Variants in GFOD2 observed in about 807,000 individuals in gnomAD.
The protein encoded by GFOD2 is glucose-fructose oxidoreductase domain-containing protein 2.
GFOD2 carries 9 observed loss-of-function variants against 24.6 expected under a neutral mutation model. The ratio of observed to expected loss-of-function variants is 0.37; its 90% CI spans 0.22 to 0.64. The LOEUF (loss-of-function observed/expected upper bound fraction) is 0.64, where lower values mean the gene tolerates loss of function less well. GFOD2 is among the 30% of genes least tolerant of loss of function. The probability of loss-of-function intolerance (pLI) is 0.65; values close to 1 mark genes in which losing one functional copy is unlikely to be tolerated. For synonymous variants in GFOD2, 211 were observed against 224.8 expected, an observed-to-expected ratio of 0.94 and a Z score of 0.55; for missense variants, 476 against 532.5, an observed-to-expected ratio of 0.89 and a Z score of 1.04.
At chr16:67,676,319 T>A in intron 2 of GFOD2, 1 of 433,628 alleles carries the variant, frequency 2.3e-6, no homozygotes. Context: ...TTTGTAGAGA[T>A]GGGGTCCTCC....
intron 2 of GFOD2, chr16:67,685,086 T>C: frequency 8.1e-7 from 1 of 1,227,040 alleles, no homozygotes; most frequent in Non-Finnish European, 1.0e-6. Flanking sequence ...CCTGTGGTGC[T>C]GTGTGCCCCA....
intron 1 of GFOD2, among the ~76,000 whole-genome samples, chr16:67,715,027 G>T (rs1020468166): frequency 6.6e-6 from 1 of 151,924 alleles, no homozygotes; most frequent in South Asian, 2.1e-4. Context: ...GGAAATATTC[G>T]ATTCTTCCTT....
At position 67,685,137 on chromosome 16, in the gene GFOD2, G is replaced by A. The variant is rs1305923682; in HGVS notation, c.259+320C>T. On this transcript the variant is annotated intron_variant, in intron 2 of 2. Coordinates refer to ENST00000268797, the MANE Select transcript of GFOD2 (RefSeq NM_030819.4). ...ACACACTAGTCACAACCAATTCCCC[G>A]CCACCCAGGGCTCTGACCTCTAACT... The A allele has an allele frequency of 1.0e-5, 14 of 1,341,542 alleles. No homozygotes were observed. The East Asian group carries it at 1.7e-4, about 16-fold the overall frequency. The allele number at this position is 1,341,542 out of a possible 1,614,324, so 83.1% of individuals were successfully genotyped here. A position where few individuals can be genotyped will look rare whatever the true frequency, so the allele number is the denominator to read the frequency against.
At chr16:67,687,121 G>A (rs780145714) in intron 1 of GFOD2, among the ~76,000 whole-genome samples, 2 of 146,564 alleles carry the variant, frequency 1.4e-5, no homozygotes, top group African/African-American at 5.1e-5. Flanking sequence ...GCACTCCAGC[G>A]TGTGTGACAG....
At chr16:67,691,209 A>AT (rs1224401186) in intron 1 of GFOD2, among the ~76,000 whole-genome samples, 1 of 150,226 alleles carries the variant, frequency 6.7e-6, no homozygotes, top group Non-Finnish European at 1.5e-5. Flanking sequence ...CTTGGTCACT[A>AT]TCATAATTTT....
chr16:67,710,501 C>G (rs966042397), intron 1 of GFOD2, among the ~76,000 whole-genome samples: 29 of 152,278 alleles, frequency 1.9e-4, no homozygotes, highest in African/African-American at 7.0e-4. Context: ...AGTAGCTGGA[C>G]TACAGGCGCC....
chr16:67,684,001 G>A, intron 2 of GFOD2: 1 of 654,056 alleles, frequency 1.5e-6, no homozygotes, highest in Non-Finnish European at 1.9e-6. Context: ...TGAAGACAGG[G>A]AGGGGTCCAA....
At chr16:67,685,201 T>C (rs771144504) in intron 2 of GFOD2, 6 of 1,413,820 alleles carry the variant, frequency 4.2e-6, no homozygotes, top group Non-Finnish European at 5.5e-6. Context: ...GATGCAACCA[T>C]CTCCAGCCCC....
intron 1 of GFOD2, among the ~76,000 whole-genome samples, chr16:67,712,518 G>A (rs898358303): frequency 2.5e-5 from 3 of 121,154 alleles, no homozygotes; most frequent in African/African-American, 6.8e-5. Flanking sequence ...CCAGCTCCTA[G>A]CCGCGAGTGA....
intron 2 of GFOD2, chr16:67,684,861 G>C: frequency 2.0e-6 from 2 of 989,922 alleles, no homozygotes; most frequent in East Asian, 1.1e-4. Context: ...GCCCAGTCAG[G>C]GGCAAGAGGT....
At chr16:67,676,079 C>T in intron 2 of GFOD2, 26 bp from the exon 3 acceptor site, 2 of 1,552,864 alleles carry the variant, frequency 1.3e-6, no homozygotes, top group Non-Finnish European at 1.7e-6. Context: ...AACAGGAAAT[C>T]TCAAAGTTTC....
intron 1 of GFOD2, among the ~76,000 whole-genome samples, chr16:67,714,937 C>T (rs891197979): frequency 1.3e-5 from 2 of 152,192 alleles, no homozygotes; most frequent in Non-Finnish European, 2.9e-5. Flanking sequence ...TGGACAAAAA[C>T]ACTACTTGCA....
At chr16:67,690,247 T>G (rs911585435) in intron 1 of GFOD2, among the ~76,000 whole-genome samples, 3 of 152,196 alleles carry the variant, frequency 2.0e-5, no homozygotes, top group African/African-American at 7.2e-5. Context: ...GGAACCACCA[T>G]ACTGTTTTCC....
rs149276567 is a variant in GFOD2 at position 67,675,899 on chromosome 16, C to T, written c.414G>A (p.Ser138=). 208 of 1,614,056 alleles carry T rather than the reference C, an allele frequency of 1.3e-4. No individual in the cohort carries two copies. The highest frequency in any genetic ancestry group is 3.3e-4 in the Middle Eastern group (2 of 6,084). ...TCATCACCGCTCCCACATAGTGTTC[C>T]GAAATCAGCTGTTTCATGCGCACGA... ...PAFVRMKQLI[S]EHYVGAVMIC... is the part of the protein sequence containing the mutation. The change falls in exon 3 of 3, where the codon TCG becomes TCA. Residue 138 remains serine (S), a synonymous_variant. Coordinates refer to ENST00000268797, the MANE Select transcript of GFOD2 (RefSeq NM_030819.4).
intron 1 of GFOD2, among the ~76,000 whole-genome samples, chr16:67,691,497 A>G (rs2053312549): frequency 6.7e-6 from 1 of 148,200 alleles, no homozygotes; most frequent in South Asian, 2.1e-4. Flanking sequence ...AGCAAGTCAC[A>G]CTGTGCCTAG....
intron 2 of GFOD2, chr16:67,680,811 C>T (rs1316720832): frequency 2.1e-6 from 2 of 967,330 alleles, no homozygotes; most frequent in South Asian, 4.8e-5. Flanking sequence ...ATGTGCACAA[C>T]GTGCAGGTTT....
intron 1 of GFOD2, among the ~76,000 whole-genome samples, chr16:67,717,060 A>G (rs1337566549): frequency 6.6e-6 from 1 of 151,904 alleles, no homozygotes; most frequent in Admixed American, 6.6e-5. Flanking sequence ...CCATGCCCCG[A>G]TAATTTTGTA....
At chr16:67,710,677 TAA>T (rs1308560633) in intron 1 of GFOD2, among the ~76,000 whole-genome samples, 6 of 152,186 alleles carry the variant, frequency 3.9e-5, no homozygotes, top group African/African-American at 7.2e-5. Flanking sequence ...GCCTTATTTT[TAA>T]AAGTGTTCAA....
Position 67,675,930 on chromosome 16 carries a change from G to A in GFOD2, c.383C>T (p.Pro128Leu). Residue 128 changes from proline to leucine, a missense_variant, in exon 3 of 3, where the codon CCT becomes CTT. Physicochemically the swap from Pro to Leu is moderately conservative, Grantham distance 98. Coordinates refer to ENST00000268797, the MANE Select transcript of GFOD2 (RefSeq NM_030819.4). ...SLVGNVLRFLPAFVRMKQLIS... is the reference protein window; with the variant it reads ...SLVGNVLRFLLAFVRMKQLIS... ...CAGCTGTTTCATGCGCACGAAGGCAGGCAGGAAGCGCAGCACGTTCCCTAC... is the reference window on the plus strand; with the variant it reads ...CAGCTGTTTCATGCGCACGAAGGCAAGCAGGAAGCGCAGCACGTTCCCTAC... 6.2e-7 allele frequency: 1 copy of A among 1,614,250 alleles called. No individual in the cohort carries two copies. The highest frequency in any genetic ancestry group is 8.5e-7 in the Non-Finnish European group (1 of 1,180,056).
Sources: allele counts gnomAD v4.1 joint callset (sites outside exome capture counted in the v4.1 genomes callset), GRCh38; gene constraint gnomAD v4.1.1; transcripts MANE v1.5; gene names NCBI Gene and HGNC (gene_info 2026-07-23, HGNC 2026-07-21).